Variants in CRISP2 observed in about 807,000 individuals in gnomAD.
The protein encoded by CRISP2 is cysteine rich secretory protein 2, also known as cysteine-rich secretory protein 2.
A neutral mutation model predicts 31.7 loss-of-function variants in CRISP2; 29 were observed. The ratio of observed to expected loss-of-function variants is 0.92; its 90% CI spans 0.68 to 1.25. The LOEUF (loss-of-function observed/expected upper bound fraction) is 1.25, where lower values mean the gene tolerates loss of function less well. CRISP2 is among the 50% of genes most tolerant of loss of function. The pLI, the probability that CRISP2 is intolerant of heterozygous loss-of-function variation, is 0.00. For synonymous variants in CRISP2, 111 were observed against 101.4 expected (o/e 1.09, Z -0.57); for missense variants, 318 against 286.5 (o/e 1.11, Z -0.79).
chr6:49,678,746 C>T, the CRISP2 span, among the ~76,000 whole-genome samples: 2 of 152,146 alleles, frequency 1.3e-5, no homozygotes, highest in African/African-American at 2.4e-5. Flanking sequence ...GGAGCAGCAT[C>T]AAGTTGATAC....
chr6:49,701,838 TAA>T (rs1340677270), intron 4 of CRISP2, among the ~76,000 whole-genome samples: 5 of 90,410 alleles, frequency 5.5e-5, no homozygotes, highest in Non-Finnish European at 1.0e-4. Context: ...ACATTAATAA[TAA>T]TATATATTAT....
At chr6:49,684,481 G>A in the CRISP2 span, among the ~76,000 whole-genome samples, 1 of 152,068 alleles carries the variant, frequency 6.6e-6, no homozygotes, top group Non-Finnish European at 1.5e-5. Flanking sequence ...TCACAGATAT[G>A]GAGGACCGAC....
chr6:49,694,171 G>T (rs1330969220), intron 9 of CRISP2, among the ~76,000 whole-genome samples: 1 of 152,184 alleles, frequency 6.6e-6, no homozygotes, highest in African/African-American at 2.4e-5. Flanking sequence ...CAGGTTTGCT[G>T]CAAACTTGGT....
the CRISP2 span, among the ~76,000 whole-genome samples, chr6:49,679,808 G>A: frequency 6.6e-6 from 1 of 151,876 alleles, no homozygotes; most frequent in African/African-American, 2.4e-5. Context: ...TGGGTTCAAG[G>A]GATTCTTGTG....
chr6:49,677,603 G>A, the CRISP2 span, among the ~76,000 whole-genome samples: 5 of 152,076 alleles, frequency 3.3e-5, no homozygotes, highest in Non-Finnish European at 5.9e-5. Context: ...TTCTTATAAT[G>A]TCCATCTCAC....
intron 6 of CRISP2, among the ~76,000 whole-genome samples, chr6:49,699,501 T>C (rs1183163831): frequency 2.6e-5 from 4 of 152,052 alleles, no homozygotes; most frequent in Non-Finnish European, 4.4e-5. Context: ...CTTGGGTAAG[T>C]CACTTTTCTT....
intron 4 of CRISP2, among the ~76,000 whole-genome samples, chr6:49,704,206 T>C (rs2127421256): frequency 6.6e-6 from 1 of 152,254 alleles, no homozygotes; most frequent in East Asian, 1.9e-4. Context: ...GGAGTTGTGA[T>C]TGTTTTTTTA....
At chr6:49,694,587 C>A (rs969115322) in intron 9 of CRISP2, among the ~76,000 whole-genome samples, 2 of 152,136 alleles carry the variant, frequency 1.3e-5, no homozygotes, top group Non-Finnish European at 2.9e-5. Flanking sequence ...CAGTGTCTCT[C>A]TCCCCTCTGT....
chr6:49,682,668 T>TTTC, the CRISP2 span, among the ~76,000 whole-genome samples: 2 of 141,592 alleles, frequency 1.4e-5, no homozygotes, highest in Non-Finnish European at 3.1e-5. Flanking sequence ...TCTTTCTTTC[T>TTTC]TCTCTCTCTT....
In CRISP2 at chr6:49,692,749, C is replaced by T. The variant is rs1764133789; in HGVS notation, c.*24G>A. 2 of 1,606,486 alleles carry T rather than the reference C, an allele frequency of 1.2e-6. No individual in the cohort carries two copies. The highest frequency in any genetic ancestry group is 1.3e-5 in the African/African-American group (1 of 74,966). On this transcript the variant is annotated 3_prime_UTR_variant, in exon 10 of 10. Coordinates refer to ENST00000339139, the MANE Select transcript of CRISP2 (RefSeq NM_003296.4). ...ATGATGCAGCCCTTATCCATGCAGT[C>T]TTGCACAATGCTCACTAGGTAAATC...
the CRISP2 span, among the ~76,000 whole-genome samples, chr6:49,679,626 C>T: frequency 6.6e-6 from 1 of 151,948 alleles, no homozygotes; most frequent in Non-Finnish European, 1.5e-5. Flanking sequence ...CAGTCAATCA[C>T]AAATTTTCAT....
At chr6:49,680,028 T>A in the CRISP2 span, among the ~76,000 whole-genome samples, 1 of 152,094 alleles carries the variant, frequency 6.6e-6, no homozygotes, top group Non-Finnish European at 1.5e-5. Context: ...AAATTAAGGG[T>A]ATATGTGCAG....
At chr6:49,689,886 T>C (rs1763995199), downstream of CRISP2, among the ~76,000 whole-genome samples, 1 of 151,976 alleles carries the variant, frequency 6.6e-6, no homozygotes, top group South Asian at 2.1e-4. Context: ...AGAAACCAAG[T>C]TAGAGGACAG....
the CRISP2 span, among the ~76,000 whole-genome samples, chr6:49,678,529 C>G: frequency 2.6e-5 from 4 of 151,988 alleles, no homozygotes; most frequent in Non-Finnish European, 5.9e-5. Context: ...AACTTGCTGT[C>G]TCATCTCTTA....
At chr6:49,695,205 G>T (rs560441249) in intron 9 of CRISP2, among the ~76,000 whole-genome samples, 33 of 151,906 alleles carry the variant, frequency 2.2e-4, no homozygotes, top group African/African-American at 7.7e-4. Flanking sequence ...GAGATATATG[G>T]TATTTATTTC....
intron 3 of CRISP2, among the ~76,000 whole-genome samples, chr6:49,709,859 A>G (rs1226676807): frequency 6.6e-6 from 1 of 152,204 alleles, no homozygotes; most frequent in African/African-American, 2.4e-5. Flanking sequence ...TACTCAATCC[A>G]TTATTTGGTA....
At chr6:49,706,928 T>C (rs1164145501) in intron 4 of CRISP2, among the ~76,000 whole-genome samples, 3 of 152,172 alleles carry the variant, frequency 2.0e-5, no homozygotes, top group Non-Finnish European at 2.9e-5. Flanking sequence ...AGGATGTGCA[T>C]ATAAAATATC....
chr6:49,686,503 A>G, the CRISP2 span, among the ~76,000 whole-genome samples: 1 of 152,218 alleles, frequency 6.6e-6, no homozygotes, highest in Non-Finnish European at 1.5e-5. Context: ...CCACAATGAG[A>G]TACCATCTCA....
At chr6:49,678,546 TC>T in the CRISP2 span, among the ~76,000 whole-genome samples, 1 of 151,416 alleles carries the variant, frequency 6.6e-6, no homozygotes, top group Non-Finnish European at 1.5e-5. Context: ...CTTAACTAGT[TC>T]CCCCCGACTC....
Sources: gnomAD v4.1 joint callset for allele counts (sites outside exome capture counted in the v4.1 genomes callset) on GRCh38, gnomAD v4.1.1 for gene constraint, MANE v1.5 for transcripts, NCBI Gene and HGNC (gene_info 2026-07-23, HGNC 2026-07-21) for gene names.